The following GRIA1 variants were observed in gnomAD, a reference collection of about 807,000 sequenced individuals.
GRIA1 encodes glutamate receptor 1.
A neutral mutation model predicts 99.2 loss-of-function variants in GRIA1; 31 were observed. The ratio of observed to expected loss-of-function variants is 0.31; its 90% CI spans 0.23 to 0.42. GRIA1 has a LOEUF of 0.42. GRIA1 is among the 10% of genes least tolerant of loss of function. GRIA1 has a pLI of 1.00. For synonymous variants in GRIA1, 438 were observed against 432.4 expected (o/e 1.01, Z -0.16); for missense variants, 782 against 1,157.5 (o/e 0.68, Z 4.71).
chr5:153,582,373 A>G (rs1055973740), intron 2 of GRIA1, among the ~76,000 whole-genome samples: 1 of 152,230 alleles, frequency 6.6e-6, no homozygotes, highest in African/African-American at 2.4e-5. Context: ...AAGTGTTGGC[A>G]TATTTCTGGG....
intron 2 of GRIA1, among the ~76,000 whole-genome samples, chr5:153,603,863 A>G (rs1274626093): frequency 6.6e-6 from 1 of 152,186 alleles, no homozygotes; most frequent in African/African-American, 2.4e-5. Context: ...CCCATACCAC[A>G]GGGATGTTGT....
intron 11 of GRIA1, among the ~76,000 whole-genome samples, chr5:153,743,159 A>ATGAT (rs534329745): frequency 3.6e-4 from 55 of 152,346 alleles, no homozygotes; most frequent in African/African-American, 1.2e-3. Flanking sequence ...CGAGGCTAAA[A>ATGAT]TGATAGATTA....
chr5:153,726,708 G>A (rs1363339411), intron 11 of GRIA1, among the ~76,000 whole-genome samples: 1 of 152,126 alleles, frequency 6.6e-6, no homozygotes, highest in Non-Finnish European at 1.5e-5. Flanking sequence ...GAATATCTGA[G>A]TAGACCAATA....
intron 2 of GRIA1, among the ~76,000 whole-genome samples, chr5:153,638,439 C>T (rs1753546652): frequency 6.6e-6 from 1 of 152,156 alleles, no homozygotes. Flanking sequence ...TTTGATATGC[C>T]CAGCATGCAT....
At chr5:153,644,084 G>A (rs1753964543) in intron 2 of GRIA1, among the ~76,000 whole-genome samples, 1 of 152,270 alleles carries the variant, frequency 6.6e-6, no homozygotes, top group African/African-American at 2.4e-5. Context: ...ACTGTAGAGA[G>A]TATATTATAA....
intron 11 of GRIA1, among the ~76,000 whole-genome samples, chr5:153,720,689 G>A (rs1759994298): frequency 1.3e-5 from 2 of 152,118 alleles, no homozygotes; most frequent in South Asian, 4.2e-4. Context: ...GACAAGGACA[G>A]GAGTCAGAAG....
intron 5 of GRIA1, among the ~76,000 whole-genome samples, chr5:153,664,591 TG>T (rs1417346097): frequency 6.6e-6 from 1 of 152,174 alleles, no homozygotes; most frequent in Non-Finnish European, 1.5e-5. Context: ...CCACTCATTT[TG>T]CTCTATAATT....
intron 11 of GRIA1, among the ~76,000 whole-genome samples, chr5:153,725,529 A>G (rs1581544798): frequency 9.2e-6 from 1 of 109,286 alleles, no homozygotes; most frequent in African/African-American, 3.7e-5. Flanking sequence ...CATAGGCTCA[A>G]AATAAAAGGA....
intron 8 of GRIA1, among the ~76,000 whole-genome samples, chr5:153,696,328 T>C (rs1758096438): frequency 6.6e-6 from 1 of 152,232 alleles, no homozygotes; most frequent in Admixed American, 6.5e-5. Flanking sequence ...ACTAATATGA[T>C]TTCAAGTCCA....
At chr5:153,626,444 C>CTG (rs3036985) in intron 2 of GRIA1, among the ~76,000 whole-genome samples, 22,870 of 142,002 alleles carry the variant, frequency 0.16, 1,859 homozygotes, top group Non-Finnish European at 0.2. Context: ...GTGTGTGTGT[C>CTG]TGTGTGTGTG....
At chr5:153,506,893 C>T (rs1318214770) in intron 2 of GRIA1, among the ~76,000 whole-genome samples, 3 of 152,054 alleles carry the variant, frequency 2.0e-5, no homozygotes, top group African/African-American at 4.8e-5. Flanking sequence ...GAGGCCAAGG[C>T]GGGCAGATCA....
At chr5:153,497,752 T>C (rs1310382343) in intron 2 of GRIA1, among the ~76,000 whole-genome samples, 1 of 152,222 alleles carries the variant, frequency 6.6e-6, no homozygotes, top group African/African-American at 2.4e-5. Flanking sequence ...TAAGCATTTT[T>C]GAGCCCTCAA....
intron 2 of GRIA1, among the ~76,000 whole-genome samples, chr5:153,541,175 C>T (rs972081071): frequency 6.6e-5 from 10 of 152,322 alleles, no homozygotes; most frequent in African/African-American, 1.9e-4. Flanking sequence ...TCCATTCTTT[C>T]GTACCCAGCT....
At chr5:153,526,021 C>A (rs1757561736) in intron 2 of GRIA1, among the ~76,000 whole-genome samples, 1 of 152,208 alleles carries the variant, frequency 6.6e-6, no homozygotes, top group African/African-American at 2.4e-5. Flanking sequence ...GGAAATTAAA[C>A]AGAGTCATTT....
chr5:153,679,849 C>T (rs1756850625), intron 7 of GRIA1, among the ~76,000 whole-genome samples: 1 of 152,178 alleles, frequency 6.6e-6, no homozygotes, highest in Non-Finnish European at 1.5e-5. Flanking sequence ...TCCAGCACAG[C>T]CTACCTGGAG....
chr5:153,795,519 G>A (rs757445718), intron 14 of GRIA1: 41 of 1,612,966 alleles, frequency 2.5e-5, no homozygotes, highest in Non-Finnish European at 3.1e-5. Context: ...TGAGCAAGGC[G>A]TCTTAGACAA....
chr5:153,547,084 G>T (rs1249101859), intron 2 of GRIA1, among the ~76,000 whole-genome samples: 1 of 152,134 alleles, frequency 6.6e-6, no homozygotes, highest in Non-Finnish European at 1.5e-5. Flanking sequence ...TAACCCGTGG[G>T]CCTCAGGCCG....
chr5:153,752,064 A>G (rs183524941), intron 11 of GRIA1, among the ~76,000 whole-genome samples: 42 of 152,322 alleles, frequency 2.8e-4, no homozygotes, highest in Admixed American at 2.0e-3. Context: ...ATTGTTAATC[A>G]ATAAATACCA....
intron 2 of GRIA1, among the ~76,000 whole-genome samples, chr5:153,633,844 T>G (rs1444640993): frequency 6.6e-6 from 1 of 152,204 alleles, no homozygotes; most frequent in Non-Finnish European, 1.5e-5. Flanking sequence ...CAGACATGTT[T>G]CAGTGCCTCC....
Sources: allele counts gnomAD v4.1 joint callset (sites outside exome capture counted in the v4.1 genomes callset), GRCh38; gene constraint gnomAD v4.1.1; transcripts MANE v1.5; gene names NCBI Gene and HGNC (gene_info 2026-07-23, HGNC 2026-07-21).